DYNLT2B: variants seen among roughly 807,000 people sequenced by gnomAD.
DYNLT2B encodes the protein dynein light chain Tctex-type 2B.
DYNLT2B carries 14 observed loss-of-function variants against 19.5 expected under a neutral mutation model. That is an observed-to-expected ratio of 0.72 (90% CI 0.47 to 1.12). DYNLT2B has a LOEUF of 1.12. DYNLT2B is among the 50% of genes most tolerant of loss of function. The probability of loss-of-function intolerance (pLI) is 0.00; values close to 1 mark genes in which losing one functional copy is unlikely to be tolerated. For missense variants in DYNLT2B, 133 were observed against 174.7 expected, an observed-to-expected ratio of 0.76 and a Z score of 1.35; for synonymous variants, 70 against 59.7, an observed-to-expected ratio of 1.17 and a Z score of -0.79.
At chr3:196,316,279 A>G (rs1385312438) in intron 1 of DYNLT2B, 48 bp from the exon 2 acceptor site, 5 of 1,557,922 alleles carry the variant, frequency 3.2e-6, no homozygotes, top group Non-Finnish European at 4.3e-6. Flanking sequence ...CCACAACCCC[A>G]GCTTACCTTC....
chr3:196,317,856 C>G (rs946625234), intron 1 of DYNLT2B, among the ~76,000 whole-genome samples, 184 bp downstream of exon 1: 2 of 151,858 alleles, frequency 1.3e-5, no homozygotes, highest in African/African-American at 4.8e-5. Flanking sequence ...CCTGCGGCCC[C>G]TGCAGCGGGA....
At chr3:196,304,705 C>A (rs73212158) in intron 3 of DYNLT2B, among the ~76,000 whole-genome samples, 65 of 94,128 alleles carry the variant, frequency 6.9e-4, no homozygotes, top group Non-Finnish European at 9.7e-4. Context: ...AAAAAAACAA[C>A]AAAAAAATCA....
chr3:196,313,285 T>C (rs1726688658), intron 2 of DYNLT2B, among the ~76,000 whole-genome samples: 2 of 151,678 alleles, frequency 1.3e-5, no homozygotes, highest in Non-Finnish European at 2.9e-5. Context: ...GCAATCTCCG[T>C]CCCTGGGCTC....
At chr3:196,298,109 C>A in intron 3 of DYNLT2B, 1 of 332,004 alleles carries the variant, frequency 3.0e-6, no homozygotes, top group Non-Finnish European at 5.9e-6. Flanking sequence ...CCAGTTGTGC[C>A]TGATTTTATT....
chr3:196,316,181 TC>T lies in DYNLT2B; in HGVS notation c.163del (p.Glu55AsnfsTer27). ...KDCIHAVLKE[E>X]LANAEYSPEE... is the part of the protein sequence containing the mutation. Reference sequence around the variant, plus strand: ...TGGAGAATATTCAGCATTTGCCAGTTCCTCCTTGAGCACAGCATGGATACAG... The same window carrying T: ...TGGAGAATATTCAGCATTTGCCAGTTCTCCTTGAGCACAGCATGGATACAG... On this transcript the variant is annotated frameshift_variant, in exon 2 of 5. Coordinates refer to ENST00000325318, the MANE Select transcript of DYNLT2B (RefSeq NM_152773.5). LOFTEE classifies it high-confidence loss of function. The T allele has an allele frequency of 1.2e-6, 2 of 1,614,006 alleles. No homozygotes were observed. Among genetic ancestry groups the T allele is most frequent in the Non-Finnish European group, 1.7e-6 (2 of 1,179,960 alleles).
intron 3 of DYNLT2B, among the ~76,000 whole-genome samples, chr3:196,305,118 A>C (rs1726452851): frequency 6.6e-6 from 1 of 152,114 alleles, no homozygotes; most frequent in Non-Finnish European, 1.5e-5. Flanking sequence ...TCCTGGGCTC[A>C]AGTGATCCTC....
rs377469506 is a variant in DYNLT2B at position 196,316,890 on chromosome 3, A to AGTGT, written c.114-663_114-660dup. Among the ~76,000 whole-genome samples, 75 of 74,228 alleles carry AGTGT rather than the reference A, an allele frequency of 1.0e-3. 4 individuals are homozygous for AGTGT. The highest frequency in any genetic ancestry group is 3.5e-3 in the African/African-American group (66 of 18,894). The allele number at this position is 74,228 out of a possible 152,430, so 48.7% of individuals were successfully genotyped here. On this transcript the variant is annotated intron_variant, in intron 1 of 4. Transcript: ENST00000325318. ...GGCCCGTGAGCCTGACATTTTTTTCAGTGTGTGTGTGTGTGTGTTGTGTGG... is the reference window on the plus strand; with the variant it reads ...GGCCCGTGAGCCTGACATTTTTTTCAGTGTGTGTGTGTGTGTGTGTGTTGTGTGG...
intron 3 of DYNLT2B, among the ~76,000 whole-genome samples, chr3:196,298,802 C>T (rs1172200143): frequency 1.3e-5 from 2 of 152,168 alleles, no homozygotes; most frequent in Non-Finnish European, 2.9e-5. Context: ...CAATTCAGGG[C>T]ACAGGGCTAG....
intron 2 of DYNLT2B, among the ~76,000 whole-genome samples, chr3:196,310,301 G>A (rs999342393): frequency 4.0e-5 from 6 of 150,528 alleles, no homozygotes; most frequent in Non-Finnish European, 8.9e-5. Flanking sequence ...TAGTAGAGAC[G>A]GGATTTCACC....
At chr3:196,308,167 T>C (rs865821986) in intron 2 of DYNLT2B, among the ~76,000 whole-genome samples, 4 of 151,554 alleles carry the variant, frequency 2.6e-5, no homozygotes, top group Middle Eastern at 3.4e-3. Flanking sequence ...ATGATGTACA[T>C]CAGGAACACA....
At chr3:196,316,562 C>CAAAAT (rs755010501) in intron 1 of DYNLT2B, among the ~76,000 whole-genome samples, 176 of 151,670 alleles carry the variant, frequency 1.2e-3, no homozygotes, top group African/African-American at 2.3e-3. Context: ...CACGCTTTCA[C>CAAAAT]AAAATAAAAT....
chr3:196,318,002 G>C, intron 1 of DYNLT2B, 38 bp downstream of exon 1: 13 of 1,326,690 alleles, frequency 9.8e-6, no homozygotes, highest in Non-Finnish European at 1.3e-5. Flanking sequence ...AGACCAGCGC[G>C]CTCGAGGTCG....
rs139831493 is a variant in DYNLT2B at position 196,294,270 on chromosome 3, C to A, written c.381+1736G>T. Among the ~76,000 whole-genome samples, 1,469 of 152,160 alleles carry A rather than the reference C, an allele frequency of 9.7e-3. 27 individuals carry two copies. Among genetic ancestry groups the A allele is most frequent in the African/African-American group, 0.033 (1,378 of 41,528 alleles). On this transcript the variant is annotated intron_variant, in intron 4 of 4. Transcript: ENST00000325318. ...GAAGGCTGAGGCAGGACACTTCAAC[C>A]CGGGAGGTGGAGGTTGTGGTGAGCT...
chr3:196,313,970 T>TGCGA (rs1726706681), intron 2 of DYNLT2B, among the ~76,000 whole-genome samples: 1 of 151,620 alleles, frequency 6.6e-6, no homozygotes, highest in Non-Finnish European at 1.5e-5. Flanking sequence ...TGGTGGCACT[T>TGCGA]GCCTGTAATC....
intron 3 of DYNLT2B, among the ~76,000 whole-genome samples, chr3:196,301,875 C>G (rs543561085): frequency 1.3e-5 from 2 of 151,910 alleles, no homozygotes; most frequent in African/African-American, 4.8e-5. Flanking sequence ...AAATTAAGAA[C>G]TCAGGTTATG....
At chr3:196,296,260 C>G in intron 3 of DYNLT2B, 191 bp from the exon 4 acceptor site, 1 of 532,388 alleles carries the variant, frequency 1.9e-6, no homozygotes, top group Admixed American at 3.4e-5. Flanking sequence ...AAACTAGAGT[C>G]AGATGAAGCT....
chr3:196,310,988 G>A lies in DYNLT2B; in HGVS notation c.248-3976C>T, dbSNP rs536667361. ...TGAGCTCAGGCAATCCACCCGCCTC[G>A]GCCTCCCAAAGTGCTGGGATTACAG... On this transcript the variant is annotated intron_variant, in intron 2 of 4. Coordinates refer to ENST00000325318, the MANE Select transcript of DYNLT2B (RefSeq NM_152773.5). Among the ~76,000 whole-genome samples the A allele has an allele frequency of 4.6e-5, 7 of 151,598 alleles. No individual in the cohort carries two copies. In the South Asian group the frequency reaches 6.3e-4, roughly 14 times the overall value.
Position 196,316,135 on chromosome 3 carries a change from T to C in DYNLT2B, c.210A>G (p.Thr70=), listed in dbSNP as rs1210895314. The C allele has an allele frequency of 1.2e-6, 2 of 1,613,770 alleles. No homozygotes were observed. The highest frequency in any genetic ancestry group is 1.7e-6 in the Non-Finnish European group (2 of 1,179,846). The change falls in exon 2 of 5, where the codon ACA becomes ACG. Residue 70 remains threonine (T), a synonymous_variant. Transcript: ENST00000325318. ...CTTTAATGTTTTCTGATAAATGTTT[T>C]GTAAGCTGAGGCATTTCTTCTGGAG... ...EYSPEEMPQL[T]KHLSENIKDK...
At chr3:196,304,862 G>GT in intron 3 of DYNLT2B, among the ~76,000 whole-genome samples, 1 of 152,048 alleles carries the variant, frequency 6.6e-6, no homozygotes, top group Non-Finnish European at 1.5e-5. Flanking sequence ...AGAAGACAAG[G>GT]TAAGCACTTA....
Sources: allele counts gnomAD v4.1 joint callset (sites outside exome capture counted in the v4.1 genomes callset), GRCh38; gene constraint gnomAD v4.1.1; transcripts MANE v1.5; gene names NCBI Gene and HGNC (gene_info 2026-07-23, HGNC 2026-07-21).